Variants in CACNA2D1 observed in about 807,000 individuals in gnomAD.
CACNA2D1 encodes calcium voltage-gated channel auxiliary subunit alpha2delta 1.
CACNA2D1 carries 53 observed loss-of-function variants against 171.5 expected under a neutral mutation model. The ratio of observed to expected loss-of-function variants is 0.31; its 90% CI spans 0.25 to 0.39. The LOEUF is 0.39. Among genes scored for constraint, CACNA2D1 ranks in the 10% least tolerant of loss-of-function variants. The probability of loss-of-function intolerance (pLI) is 1.00; values close to 1 mark genes in which losing one functional copy is unlikely to be tolerated. For missense variants in CACNA2D1, 903 were observed against 1,299.8 expected (o/e 0.69, Z 4.69); for synonymous variants, 442 against 443.1 (o/e 1.00, Z 0.03).
intron 3 of CACNA2D1, among the ~76,000 whole-genome samples, chr7:82,248,493 T>A (rs1400840729): frequency 6.6e-6 from 1 of 152,200 alleles, no homozygotes; most frequent in Non-Finnish European, 1.5e-5. Flanking sequence ...CATGAAAATA[T>A]GAAAGAGAAT....
At chr7:82,395,373 C>A (rs961567037) in intron 1 of CACNA2D1, among the ~76,000 whole-genome samples, 11 of 152,142 alleles carry the variant, frequency 7.2e-5, no homozygotes, top group African/African-American at 1.9e-4. Flanking sequence ...TGGTTTGCTG[C>A]CATGGAAGCT....
chr7:82,332,311 C>T (rs1309983177), intron 3 of CACNA2D1, among the ~76,000 whole-genome samples: 2 of 152,112 alleles, frequency 1.3e-5, no homozygotes, highest in Non-Finnish European at 2.9e-5. Context: ...CCACCTCGGC[C>T]TCCCAAAGTG....
At chr7:82,246,353 A>G (rs1804918734) in intron 3 of CACNA2D1, among the ~76,000 whole-genome samples, 1 of 152,096 alleles carries the variant, frequency 6.6e-6, no homozygotes, top group African/African-American at 2.4e-5. Flanking sequence ...CAGAAAGTGA[A>G]TGTAGTTCAT....
intron 1 of CACNA2D1, among the ~76,000 whole-genome samples, chr7:82,392,081 G>A (rs66968042): frequency 0.12 from 18,238 of 152,094 alleles, 1,217 homozygotes; most frequent in East Asian, 0.17. Flanking sequence ...TTAAATCCAT[G>A]GACTGGATTA....
At chr7:82,189,347 G>A (rs1798073437) in intron 3 of CACNA2D1, among the ~76,000 whole-genome samples, 1 of 151,836 alleles carries the variant, frequency 6.6e-6, no homozygotes, top group African/African-American at 2.4e-5. Flanking sequence ...AGACTCAGCA[G>A]GCTGCAGTTG....
chr7:82,429,516 T>C (rs189746394), intron 1 of CACNA2D1, among the ~76,000 whole-genome samples: 3 of 152,142 alleles, frequency 2.0e-5, no homozygotes, highest in African/African-American at 4.8e-5. Flanking sequence ...CCAAAAGCGG[T>C]AGGACCAAAT....
chr7:81,981,922 ATTATG>A (rs1367372833), intron 24 of CACNA2D1, among the ~76,000 whole-genome samples: 14 of 152,158 alleles, frequency 9.2e-5, no homozygotes, highest in African/African-American at 3.4e-4. Flanking sequence ...AAAATCCATT[ATTATG>A]TTCATTCTAC....
chr7:82,131,604 A>T (rs1790986143), intron 5 of CACNA2D1, among the ~76,000 whole-genome samples: 1 of 152,180 alleles, frequency 6.6e-6, no homozygotes, highest in Admixed American at 6.5e-5. Flanking sequence ...ATTTATTAAT[A>T]ATGTTATCCC....
At chr7:82,314,687 C>T (rs1334379774) in intron 3 of CACNA2D1, among the ~76,000 whole-genome samples, 1 of 151,544 alleles carries the variant, frequency 6.6e-6, no homozygotes, top group Non-Finnish European at 1.5e-5. Flanking sequence ...AAATATTTAC[C>T]AATTTTAATT....
At chr7:82,400,309 C>T (rs1329345099) in intron 1 of CACNA2D1, among the ~76,000 whole-genome samples, 1 of 150,396 alleles carries the variant, frequency 6.6e-6, no homozygotes, top group Admixed American at 6.7e-5. Context: ...GCCATTTTCA[C>T]GATATTGATT....
intron 6 of CACNA2D1, among the ~76,000 whole-genome samples, chr7:82,114,545 TCAGCC>T (rs1788808965): frequency 6.6e-6 from 1 of 151,676 alleles, no homozygotes; most frequent in Admixed American, 6.6e-5. Context: ...GAGTTTGAGA[TCAGCC>T]TGGCCAACAT....
intron 6 of CACNA2D1, among the ~76,000 whole-genome samples, chr7:82,111,992 A>G (rs1362878928): frequency 2.0e-5 from 3 of 152,152 alleles, no homozygotes; most frequent in African/African-American, 4.8e-5. Flanking sequence ...TAACTAATAT[A>G]TATCAACTAC....
At chr7:81,983,254 A>G (rs1796616427) in intron 23 of CACNA2D1, 60 bp downstream of exon 23, 3 of 1,374,218 alleles carry the variant, frequency 2.2e-6, no homozygotes, top group African/African-American at 1.4e-5. Flanking sequence ...GAAGGAAAAT[A>G]TCAGTGGAAA....
At chr7:82,115,991 T>C (rs1358988330) in intron 6 of CACNA2D1, among the ~76,000 whole-genome samples, 2 of 152,180 alleles carry the variant, frequency 1.3e-5, no homozygotes, top group Non-Finnish European at 2.9e-5. Flanking sequence ...GAGGAAATAA[T>C]ACTGCTAAAA....
intron 1 of CACNA2D1, among the ~76,000 whole-genome samples, chr7:82,422,792 G>A (rs562295390): frequency 1.3e-5 from 2 of 151,918 alleles, no homozygotes; most frequent in Non-Finnish European, 2.9e-5. Flanking sequence ...GGTTTCATTA[G>A]GTAAAATCCT....
At chr7:82,075,250 A>T (rs1480554929) in intron 7 of CACNA2D1, among the ~76,000 whole-genome samples, 1 of 152,040 alleles carries the variant, frequency 6.6e-6, no homozygotes, top group African/African-American at 2.4e-5. Context: ...TACAAAGTGG[A>T]TTACTGGTAA....
chr7:82,289,147 A>G (rs576603090), intron 3 of CACNA2D1, among the ~76,000 whole-genome samples: 93 of 152,344 alleles, frequency 6.1e-4, no homozygotes, highest in Admixed American at 1.2e-3. Context: ...TGGTGAATTG[A>G]AAGTCAAAAT....
chr7:81,998,432 A>G (rs1798265068), intron 18 of CACNA2D1, among the ~76,000 whole-genome samples: 1 of 152,020 alleles, frequency 6.6e-6, no homozygotes, highest in Admixed American at 6.6e-5. Context: ...GAAACTTCCC[A>G]AGGCAGTTGC....
chr7:82,259,132 G>C (rs1806740342), intron 3 of CACNA2D1, among the ~76,000 whole-genome samples: 1 of 151,994 alleles, frequency 6.6e-6, no homozygotes, highest in South Asian at 2.1e-4. Flanking sequence ...TGGACAGAAA[G>C]TTGTAATTTC....
Sources: allele counts gnomAD v4.1 joint callset (sites outside exome capture counted in the v4.1 genomes callset), GRCh38; gene constraint gnomAD v4.1.1; transcripts MANE v1.5; gene names NCBI Gene and HGNC (gene_info 2026-07-23, HGNC 2026-07-21).